Variants in AHNAK observed in about 807,000 individuals in gnomAD.
AHNAK encodes neuroblast differentiation-associated protein AHNAK.
In AHNAK, 23 loss-of-function variants were observed where a neutral mutation model predicts 37.8. That is an observed-to-expected ratio of 0.61 (90% CI 0.44 to 0.86). The LOEUF (loss-of-function observed/expected upper bound fraction) is 0.86, where lower values mean the gene tolerates loss of function less well. Ranked by LOEUF, AHNAK falls within the 40% of genes least tolerant of loss-of-function variation. AHNAK has a pLI of 0.00. For synonymous variants in AHNAK, 2,481 were observed against 2,636.3 expected (o/e 0.94, Z 1.80); for missense variants, 7,411 against 7,319.4 (o/e 1.01, Z -0.46).
chr11:62,450,750 A>T (rs1407971152), intron 5 of AHNAK, among the ~76,000 whole-genome samples: 2 of 152,266 alleles, frequency 1.3e-5, no homozygotes, highest in Non-Finnish European at 2.9e-5. Context: ...GTCAACAGCC[A>T]ATAGCCCTAG....
intron 5 of AHNAK, among the ~76,000 whole-genome samples, chr11:62,455,907 C>T (rs1018744505): frequency 3.3e-5 from 5 of 150,906 alleles, no homozygotes; most frequent in Admixed American, 1.3e-4. Flanking sequence ...GCTGTGGTGG[C>T]GGGTGCCTGT....
intron 5 of AHNAK, among the ~76,000 whole-genome samples, chr11:62,436,176 G>A (rs771537183): frequency 6.6e-6 from 1 of 152,150 alleles, no homozygotes; most frequent in Non-Finnish European, 1.5e-5. Flanking sequence ...TTCCTGATTG[G>A]AACAAATTCA....
In AHNAK at chr11:62,517,523, G is replaced by C; in HGVS notation, c.16894C>G (p.Gln5632Glu). 1 of 1,614,132 alleles carries C rather than the reference G, an allele frequency of 6.2e-7. No homozygotes were observed. Among genetic ancestry groups the C allele is most frequent in the Non-Finnish European group, 8.5e-7 (1 of 1,180,042 alleles). The change falls in exon 5 of 5, where the codon CAG (glutamine) becomes GAG (glutamate). Residue 5632 changes from glutamine to glutamate, a missense_variant. Transcript: ENST00000378024. ...PKVEGGVKGG[Q>E]IGLQAPGLSV... ...AGCCCAGGAGCCTGGAGTCCAATCT[G>C]ACCTCCTTTCACACCTCCTTCCACC...
At chr11:62,499,414 G>A (rs913134589) in intron 4 of AHNAK, among the ~76,000 whole-genome samples, 2 of 152,146 alleles carry the variant, frequency 1.3e-5, no homozygotes, top group Non-Finnish European at 2.9e-5. Context: ...AACTGGGCAT[G>A]GTATCGTGTG....
In AHNAK at chr11:62,523,848, C is replaced by T. The variant is rs1940367131; in HGVS notation, c.10569G>A (p.Glu3523=). The T allele has an allele frequency of 1.9e-6, 3 of 1,614,110 alleles. No individual in the cohort carries two copies. Among genetic ancestry groups the T allele is most frequent in the Non-Finnish European group, 2.5e-6 (3 of 1,180,020 alleles). Residue 3523 remains glutamate, a synonymous_variant, in exon 5 of 5, where the codon GAG becomes GAA. Coordinates refer to ENST00000378024, the MANE Select transcript of AHNAK (RefSeq NM_001620.3). ...EGPDLNVEGP[E]GGLKGPKFKM... is the part of the protein sequence containing the mutation. ...TGAATTTGGGACCTTTCAAGCCTCC[C>T]TCCGGACCTTCCACATTGAGATCTG... is the stretch of plus-strand genomic sequence containing the variant.
In AHNAK at chr11:62,522,374, C is replaced by T. The variant is rs563291924; in HGVS notation, c.12043G>A (p.Val4015Met). The T allele has an allele frequency of 4.3e-6, 7 of 1,613,956 alleles. No individual in the cohort carries two copies. The Admixed American group carries it at 6.7e-5, about 15-fold the overall frequency. Residue 4015 changes from valine to methionine, a missense_variant, in exon 5 of 5, where the codon GTG becomes ATG. By Grantham distance (21) the Val-to-Met change is conservative (BLOSUM62 1). Transcript: ENST00000378024. ...AGAGAAACATCCACATCTCCTTTCA[C>T]CTTAGGGCCTTTCAGATGCAAATCA... ...DFDLHLKGPK[V>M]KGDVDVSLPK... is the part of the protein sequence containing the mutation.
chr11:62,518,718 G>T lies in AHNAK; in HGVS notation c.15699C>A (p.Phe5233Leu). Reference sequence around the variant, plus strand: ...CGATCTTGGGCATGGAAAACTTGGGGAACTTAATTTTTGCTTCTGGACCTT... The same window carrying T: ...CGATCTTGGGCATGGAAAACTTGGGTAACTTAATTTTTGCTTCTGGACCTT... Reference protein sequence around the residue: ...DLQGPEAKIKFPKFSMPKIGI... With the variant: ...DLQGPEAKIKLPKFSMPKIGI... The change falls in exon 5 of 5, where the codon TTC becomes TTA. Residue 5233 changes from phenylalanine to leucine, a missense_variant. Phe to Leu is a conservative substitution (Grantham distance 22). Transcript: ENST00000378024. 6.2e-7 allele frequency: 1 copy of T among 1,614,176 alleles called. No individual in the cohort carries two copies. Among genetic ancestry groups the T allele is most frequent in the South Asian group, 1.1e-5 (1 of 91,076 alleles).
At chr11:62,491,639 TC>T (rs1590626643) in intron 5 of AHNAK, 1 of 1,267,488 alleles carries the variant, frequency 7.9e-7, no homozygotes, top group Non-Finnish European at 1.1e-6. Flanking sequence ...ACGTGTGGCT[TC>T]CACAGCCCAG....
chr11:62,459,941 G>A (rs941766759), intron 5 of AHNAK, among the ~76,000 whole-genome samples: 2 of 151,932 alleles, frequency 1.3e-5, no homozygotes, highest in Admixed American at 6.6e-5. Flanking sequence ...GGAGTTCAAG[G>A]CCAGCCTTGT....
chr11:62,476,052 G>A (rs752341681), intron 5 of AHNAK, among the ~76,000 whole-genome samples: 2 of 152,128 alleles, frequency 1.3e-5, no homozygotes, highest in African/African-American at 2.4e-5. Context: ...TTCAAAATGG[G>A]TTGTAAAGCA....
chr11:62,513,667 G>A (rs539962111), downstream of AHNAK, among the ~76,000 whole-genome samples: 3 of 152,286 alleles, frequency 2.0e-5, no homozygotes, highest in South Asian at 4.1e-4. Flanking sequence ...ACATAAGCCC[G>A]TGTCTCCTCC....
intron 5 of AHNAK, among the ~76,000 whole-genome samples, chr11:62,471,492 T>C (rs577342723): frequency 6.6e-6 from 1 of 152,340 alleles, no homozygotes; most frequent in Admixed American, 6.5e-5. Flanking sequence ...TACAATGTTT[T>C]AAATAATTTT....
In AHNAK at chr11:62,433,710, T is replaced by G. The variant is rs892101292; in HGVS notation, c.*174A>C. On this transcript the variant is annotated 3_prime_UTR_variant, in exon 6 of 6. Transcript: ENST00000257247. ...GCAGCAGCCCTCGGTCTGGCCTGGC[T>G]GGAGCTATAAACATGCATGCTCCGA... is the stretch of plus-strand genomic sequence containing the variant. The G allele has an allele frequency of 3.8e-6, 3 of 788,324 alleles. No individual in the cohort carries two copies. In the South Asian group the frequency reaches 5.2e-5, roughly 14 times the overall value. 48.8% of individuals were successfully genotyped at this position (788,324 alleles called of 1,614,324 possible).
At chr11:62,492,607 A>G (rs11231112) in intron 4 of AHNAK, among the ~76,000 whole-genome samples, 21,884 of 151,930 alleles carry the variant, frequency 0.14, 3,879 homozygotes, top group African/African-American at 0.42. Flanking sequence ...AGTGGCTCAC[A>G]CCTGTAATCC....
Position 62,527,837 on chromosome 11 carries a change from T to C in AHNAK, c.6580A>G (p.Lys2194Glu), listed in dbSNP as rs1940556860. 2 of 1,613,286 alleles carry C rather than the reference T, an allele frequency of 1.2e-6. No individual in the cohort carries two copies. Among genetic ancestry groups the C allele is most frequent in the Non-Finnish European group, 1.7e-6 (2 of 1,179,850 alleles). Residue 2194 changes from lysine (K) to glutamate (E), a missense_variant, in exon 5 of 5, where the codon AAA becomes GAA. Lys to Glu is a moderately conservative substitution (Grantham distance 56). Transcript: ENST00000378024. ...ATATCCCCTTTGACTTTGGGGCCTTTCAAGTTTAAGTTCACATCAGGCATG... is the reference window on the plus strand; with the variant it reads ...ATATCCCCTTTGACTTTGGGGCCTTCCAAGTTTAAGTTCACATCAGGCATG... ...ISMPDVNLNL[K>E]GPKVKGDMDV...
At chr11:62,434,116 G>A (rs777945870) in intron 5 of AHNAK, among the ~76,000 whole-genome samples, 35 of 152,052 alleles carry the variant, frequency 2.3e-4, no homozygotes, top group Non-Finnish European at 4.9e-4. Context: ...GTTTCTGTGC[G>A]GCAAGGGTGG....
In AHNAK at chr11:62,522,272, C is replaced by T. The variant is rs769418327; in HGVS notation, c.12145G>A (p.Val4049Met). 8.1e-6 allele frequency: 13 copies of T among 1,613,446 alleles called. No homozygotes were observed. In the South Asian group the frequency reaches 1.3e-4, roughly 16 times the overall value. Residue 4049 changes from valine to methionine, a missense_variant, in exon 5 of 5, where the codon GTG (valine) becomes ATG (methionine). Val to Met is a conservative substitution (Grantham distance 21, BLOSUM62 1). Coordinates refer to ENST00000378024, the MANE Select transcript of AHNAK (RefSeq NM_001620.3). ...TGCCAGTCTGGGCCATGAACATCCA[C>T]ATCTGGGGCATCAATGTCCACTTTG... ...GPKVDIDAPDVDVHGPDWHLK... is the reference protein window; with the variant it reads ...GPKVDIDAPDMDVHGPDWHLK...
intron 5 of AHNAK, among the ~76,000 whole-genome samples, chr11:62,486,819 T>C (rs1939405902): frequency 6.6e-6 from 1 of 152,010 alleles, no homozygotes; most frequent in Non-Finnish European, 1.5e-5. Context: ...AAGGGTCCTA[T>C]GAGGTTTTAG....
chr11:62,528,315 G>A lies in AHNAK; in HGVS notation c.6102C>T (p.Ala2034=), dbSNP rs780116484. The stretch of plus-strand genomic sequence containing the variant: ...CTGGGCCATGAACATCCACATCTGG[G>A]GCATCAATGTCCATTTTGGGTCCTT... The part of the protein sequence containing the change: ...DIKGPKMDID[A]PDVDVHGPDW... The change falls in exon 5 of 5, where the codon GCC becomes GCT. Residue 2034 remains alanine, a synonymous_variant. Coordinates refer to ENST00000378024, the MANE Select transcript of AHNAK (RefSeq NM_001620.3). The A allele has an allele frequency of 1.7e-5, 27 of 1,613,882 alleles. No individual in the cohort carries two copies. Among genetic ancestry groups the A allele is most frequent in the East Asian group, 4.5e-5 (2 of 44,840 alleles).
Sources: gnomAD v4.1 joint callset for allele counts (sites outside exome capture counted in the v4.1 genomes callset) on GRCh38, gnomAD v4.1.1 for gene constraint, MANE v1.5 for transcripts, NCBI Gene and HGNC (gene_info 2026-07-23, HGNC 2026-07-21) for gene names.